WDFY4: variants seen among roughly 807,000 people sequenced by gnomAD.
The protein encoded by WDFY4 is WDFY family member 4, also known as WD repeat- and FYVE domain-containing protein 4.
In WDFY4, 169 loss-of-function variants were observed where a neutral mutation model predicts 351.9. The observed-to-expected ratio is 0.48, with a 90% CI of 0.42 to 0.55. The LOEUF (loss-of-function observed/expected upper bound fraction) is 0.55. Ranked by LOEUF, WDFY4 falls within the 20% of genes least tolerant of loss-of-function variation. The pLI is 0.00. For synonymous variants in WDFY4, 1,622 were observed against 1,574.6 expected (o/e 1.03, Z -0.71); for missense variants, 3,803 against 3,935.6 (o/e 0.97, Z 0.90).
intron 31 of WDFY4, among the ~76,000 whole-genome samples, 184 bp downstream of exon 31, chr10:48,814,266 G>T (rs1037509180): frequency 3.9e-5 from 6 of 152,220 alleles, no homozygotes; most frequent in East Asian, 1.9e-4. Flanking sequence ...CAGCCTATAG[G>T]TCTCTGAGCT....
intron 47 of WDFY4, among the ~76,000 whole-genome samples, chr10:48,936,533 C>T (rs1008694635): frequency 3.3e-5 from 5 of 151,610 alleles, no homozygotes; most frequent in South Asian, 2.1e-4. Flanking sequence ...TATGTAAAAC[C>T]GTATGAAAAT....
In WDFY4 at chr10:48,901,268, C is replaced by T. The variant is rs558203005; in HGVS notation, c.7524-533C>T. Reference sequence around the variant, plus strand: ...AATTATATTCAAGGCCTAGTTTAGACCAAACCAAACAAGCAGACATACAAC... The same window carrying T: ...AATTATATTCAAGGCCTAGTTTAGATCAAACCAAACAAGCAGACATACAAC... On this transcript the variant is annotated intron_variant, in intron 46 of 61. Coordinates refer to ENST00000325239, the MANE Select transcript of WDFY4 (RefSeq NM_001394531.1). Among the ~76,000 whole-genome samples the T allele has an allele frequency of 2.0e-5, 3 of 152,346 alleles. No homozygotes were observed. The South Asian group carries it at 6.2e-4, about 32-fold the overall frequency.
intron 39 of WDFY4, among the ~76,000 whole-genome samples, chr10:48,835,291 G>C (rs1445860019): frequency 6.6e-6 from 1 of 152,192 alleles, no homozygotes; most frequent in Admixed American, 6.5e-5. Flanking sequence ...AGAGGGGCTG[G>C]GCTTGTTCAG....
chr10:48,807,946 A>C lies in WDFY4; in HGVS notation c.4826A>C (p.His1609Pro). 1 of 1,545,994 alleles carries C rather than the reference A, an allele frequency of 6.5e-7. No individual in the cohort carries two copies. Among genetic ancestry groups the C allele is most frequent in the Non-Finnish European group, 8.7e-7 (1 of 1,144,818 alleles). Residue 1609 changes from histidine to proline, a missense_variant, in exon 28 of 62, where the codon CAT (histidine) becomes CCT (proline). This residue lies in a region of WDFY4 where 3,054 missense variants were observed against 3,148.6 expected (regional missense o/e 0.97). Coordinates refer to ENST00000325239, the MANE Select transcript of WDFY4 (RefSeq NM_001394531.1). ...AGTGTAATATCTTCCCCCCAGCTTC[A>C]TCTGTCCTCTGAGTAAGTAGCTCCA... ...LLSVISSPQL[H>P]LSSESKEEMF...
intron 39 of WDFY4, among the ~76,000 whole-genome samples, chr10:48,842,888 A>G (rs368779155): frequency 1.3e-5 from 2 of 152,312 alleles, no homozygotes; most frequent in South Asian, 4.2e-4. Flanking sequence ...GGGTTCTGCA[A>G]TCTGAGAGTG....
intron 5 of WDFY4, 27 bp downstream of exon 5, chr10:48,723,594 C>T (rs1195459325): frequency 2.6e-6 from 4 of 1,551,100 alleles, no homozygotes; most frequent in Non-Finnish European, 3.5e-6. Context: ...CCTCCAATTC[C>T]CTGGGTCAAA....
chr10:48,815,227 C>T (rs2067581393), intron 31 of WDFY4, among the ~76,000 whole-genome samples: 1 of 152,226 alleles, frequency 6.6e-6, no homozygotes, highest in Non-Finnish European at 1.5e-5. Flanking sequence ...GCCCCATCCT[C>T]ACAGCCTCAA....
chr10:48,891,546 C>G (rs145679577), intron 44 of WDFY4, among the ~76,000 whole-genome samples: 53 of 152,322 alleles, frequency 3.5e-4, no homozygotes, highest in Admixed American at 2.4e-3. Context: ...ATAGGCCTTG[C>G]CTTTTCCAGT....
intron 38 of WDFY4, among the ~76,000 whole-genome samples, 153 bp from the exon 39 acceptor site, chr10:48,832,420 G>A (rs73310094): frequency 2.6e-5 from 4 of 152,370 alleles, no homozygotes; most frequent in East Asian, 1.9e-4. Context: ...GTCAGAAGAC[G>A]GCAGTGTGAG....
chr10:48,688,998 T>C (rs1399278914), intron 1 of WDFY4, among the ~76,000 whole-genome samples: 1 of 152,134 alleles, frequency 6.6e-6, no homozygotes, highest in Non-Finnish European at 1.5e-5. Flanking sequence ...GAGATGCTTG[T>C]TAGACAATAT....
In WDFY4 at chr10:48,781,244, G is replaced by A. The variant is rs188992308; in HGVS notation, c.3576+1125G>A. On this transcript the variant is annotated intron_variant, in intron 19 of 61. Coordinates refer to ENST00000325239, the MANE Select transcript of WDFY4 (RefSeq NM_001394531.1). Reference sequence around the variant, plus strand: ...TATATATATATGTGTGTGTGTGTGTGTATATATATATGTGTGTGTGTGTAT... The same window carrying A: ...TATATATATATGTGTGTGTGTGTGTATATATATATATGTGTGTGTGTGTAT... Among the ~76,000 whole-genome samples, 294 of 140,050 alleles carry A rather than the reference G, an allele frequency of 2.1e-3. 1 individual carries two copies. The highest frequency in any genetic ancestry group is 6.9e-3 in the Admixed American group (99 of 14,292). 91.9% of individuals were successfully genotyped at this position (140,050 alleles called of 152,430 possible).
intron 1 of WDFY4, among the ~76,000 whole-genome samples, chr10:48,707,180 C>G (rs372590002): frequency 7.0e-4 from 106 of 152,224 alleles, no homozygotes; most frequent in African/African-American, 2.4e-3. Flanking sequence ...TGCTCATACT[C>G]ATTAGTAACT....
In WDFY4 at chr10:48,964,343, A is replaced by G. The variant is rs150324473; in HGVS notation, c.8436+289A>G. Among the ~76,000 whole-genome samples, 146 of 152,334 alleles carry G rather than the reference A, an allele frequency of 9.6e-4. 1 individual carries two copies. The highest frequency in any genetic ancestry group is 3.2e-3 in the African/African-American group (133 of 41,568). ...AATTACTTGTGTTCGTATCTACCCT[A>G]CAGGTTTGTTGTATCCAATGACTTA... On this transcript the variant is annotated intron_variant, in intron 54 of 61. Transcript: ENST00000325239.
chr10:48,913,614 T>G, intron 47 of WDFY4: 1 of 1,614,110 alleles, frequency 6.2e-7, no homozygotes, highest in South Asian at 1.1e-5. Flanking sequence ...CTCACCTGGC[T>G]TTGGAAAGGG....
intron 35 of WDFY4, 62 bp from the exon 36 acceptor site, chr10:48,826,609 T>C (rs1218749730): frequency 3.1e-6 from 4 of 1,285,972 alleles, no homozygotes; most frequent in Non-Finnish European, 4.4e-6. Flanking sequence ...AAACTGGATC[T>C]GTATCTAAAA....
chr10:48,798,868 G>A (rs1406626408), intron 24 of WDFY4, among the ~76,000 whole-genome samples: 1 of 152,226 alleles, frequency 6.6e-6, no homozygotes, highest in Non-Finnish European at 1.5e-5. Flanking sequence ...AGGCCAAGAT[G>A]AATGTCCTGG....
At position 48,969,096 on chromosome 10, in the gene WDFY4, C is replaced by T; in HGVS notation, c.8617C>T (p.Pro2873Ser). The change falls in exon 56 of 62, where the codon CCC (proline) becomes TCC (serine). Residue 2873 changes from proline (P) to serine (S), a missense_variant. Pro to Ser is a moderately conservative substitution (Grantham distance 74, BLOSUM62 -1). Around this residue, in one of 3 missense-constraint regions of WDFY4, gnomAD observed 3,054 missense variants for 3,148.6 expected, o/e 0.97. Coordinates refer to ENST00000325239, the MANE Select transcript of WDFY4 (RefSeq NM_001394531.1). The part of the protein sequence containing the change: ...MYLFSLGSES[P>S]KGAIGHIVST... ...CCTCTTTTCTCTAGGCTCAGAGTCC[C>T]CCAAAGGGGCCATTGGCCACATTGT... The T allele has an allele frequency of 6.4e-7, 1 of 1,551,770 alleles. No individual in the cohort carries two copies. Among genetic ancestry groups the T allele is most frequent in the Non-Finnish European group, 8.7e-7 (1 of 1,146,960 alleles).
chr10:48,716,985 C>T lies in WDFY4; in HGVS notation c.235-3026C>T, dbSNP rs535573101. ...GGCAGCTATAAGTTTCGTAGATGTG[C>T]GAATGCTACTTTGGGTATGTGCACG... On this transcript the variant is annotated intron_variant, in intron 2 of 61. Coordinates refer to ENST00000325239, the MANE Select transcript of WDFY4 (RefSeq NM_001394531.1). Among the ~76,000 whole-genome samples, 52 of 152,282 alleles carry T rather than the reference C, an allele frequency of 3.4e-4. No homozygotes were observed. In the South Asian group the frequency reaches 0.01, roughly 30 times the overall value.
At chr10:48,942,697 C>A (rs1301056162) in intron 48 of WDFY4, among the ~76,000 whole-genome samples, 1 of 152,194 alleles carries the variant, frequency 6.6e-6, no homozygotes, top group African/African-American at 2.4e-5. Flanking sequence ...GAAAGGAGAG[C>A]CCCTGAACAT....
Sources: allele counts gnomAD v4.1 joint callset (sites outside exome capture counted in the v4.1 genomes callset), GRCh38; gene constraint gnomAD v4.1.1; regional missense constraint gnomAD v4.1.1; transcripts MANE v1.5; gene names NCBI Gene and HGNC (gene_info 2026-07-23, HGNC 2026-07-21).